TRAPPC12: variants seen among roughly 807,000 people sequenced by gnomAD.
TRAPPC12 encodes the protein TPR repeat protein 15.
In TRAPPC12, 61 loss-of-function variants were observed where a neutral mutation model predicts 69.2. That is an observed-to-expected ratio of 0.88 (90% CI 0.72 to 1.09). The LOEUF is 1.09. TRAPPC12 is among the 50% of genes least tolerant of loss of function. The pLI, the probability that TRAPPC12 is intolerant of heterozygous loss-of-function variation, is 0.00. For synonymous variants in TRAPPC12, 469 were observed against 438.9 expected (o/e 1.07, Z -0.86); for missense variants, 1,101 against 1,016.4 (o/e 1.08, Z -1.13).
intron 6 of TRAPPC12, among the ~76,000 whole-genome samples, chr2:3,454,021 A>G (rs1037890189): frequency 1.3e-5 from 2 of 152,180 alleles, no homozygotes; most frequent in African/African-American, 4.8e-5. Context: ...CACCCTACAA[A>G]TAAAACAATA....
intron 1 of TRAPPC12, among the ~76,000 whole-genome samples, chr2:3,385,814 A>AG (rs1312277717): frequency 5.9e-5 from 9 of 152,206 alleles, no homozygotes; most frequent in Non-Finnish European, 1.0e-4. Context: ...GAGACTTCAG[A>AG]GGGGGCACTG....
intron 6 of TRAPPC12, among the ~76,000 whole-genome samples, chr2:3,447,776 C>A (rs973556279): frequency 6.6e-6 from 1 of 152,196 alleles, no homozygotes; most frequent in Non-Finnish European, 1.5e-5. Flanking sequence ...CTTGGTGTGG[C>A]CTTTGATCCC....
chr2:3,421,538 A>G (rs899562212), intron 3 of TRAPPC12, among the ~76,000 whole-genome samples: 7 of 152,262 alleles, frequency 4.6e-5, no homozygotes, highest in Non-Finnish European at 8.8e-5. Flanking sequence ...TAATCTTGCT[A>G]AAAAGGAAAC....
At chr2:3,450,507 G>A (rs922524959) in intron 6 of TRAPPC12, among the ~76,000 whole-genome samples, 14 of 152,130 alleles carry the variant, frequency 9.2e-5, no homozygotes, top group East Asian at 1.9e-4. Flanking sequence ...TGTCCGCTTC[G>A]GCCTTCTTTG....
intron 2 of TRAPPC12, among the ~76,000 whole-genome samples, chr2:3,394,419 G>C (rs779648728): frequency 6.6e-6 from 1 of 152,076 alleles, no homozygotes; most frequent in South Asian, 2.1e-4. Context: ...TCAGGAGATC[G>C]AGACCACCCT....
Position 3,388,492 on chromosome 2 carries a change from G to T in TRAPPC12, c.869G>T (p.Ser290Ile), listed in dbSNP as rs888937835. The change falls in exon 2 of 12, where the codon AGT becomes ATT. Residue 290 changes from serine (S) to isoleucine (I), a missense_variant. Transcript: ENST00000324266. ...CACATCCAGGCAGTGTTTGCAGGGA[G>T]TGACGACCCCTTTGCCACCGCCCTG... ...FAHIQAVFAG[S>I]DDPFATALSM... 4 of 1,612,666 alleles carry T rather than the reference G, an allele frequency of 2.5e-6. No individual in the cohort carries two copies. The highest frequency in any genetic ancestry group is 3.3e-5 in the Admixed American group (2 of 59,988).
chr2:3,479,321 C>G lies in TRAPPC12; in HGVS notation c.2068C>G (p.His690Asp). The change falls in exon 12 of 12, where the codon CAC becomes GAC. Residue 690 changes from histidine to aspartate, a missense_variant. Transcript: ENST00000324266. The stretch of plus-strand genomic sequence containing the variant: ...CCAGCAGGACCCCAGGCACTACCTG[C>G]ACGAGAGCGTGCTCTTCAACCTGAC... ...MVQQDPRHYLHESVLFNLTTM... is the reference protein window; with the variant it reads ...MVQQDPRHYLDESVLFNLTTM... The G allele has an allele frequency of 6.2e-7, 1 of 1,614,216 alleles. No homozygotes were observed.
At chr2:3,453,347 A>G (rs909557968) in intron 6 of TRAPPC12, among the ~76,000 whole-genome samples, 4 of 152,206 alleles carry the variant, frequency 2.6e-5, no homozygotes, top group African/African-American at 7.2e-5. Context: ...CTCCCAGGGA[A>G]TGTGCAGGAA....
intron 1 of TRAPPC12, among the ~76,000 whole-genome samples, chr2:3,386,503 T>A (rs1660499661): frequency 6.6e-6 from 1 of 152,200 alleles, no homozygotes; most frequent in Non-Finnish European, 1.5e-5. Context: ...AGCAGCTGTC[T>A]CGAGGGGTGT....
chr2:3,466,249 T>C (rs1277837608), intron 9 of TRAPPC12: 1 of 470,962 alleles, frequency 2.1e-6, no homozygotes, highest in African/African-American at 2.0e-5. Flanking sequence ...ATCCCACCCT[T>C]GCAGGCGGAG....
intron 1 of TRAPPC12, among the ~76,000 whole-genome samples, chr2:3,381,266 C>G (rs1455564719): frequency 6.6e-6 from 1 of 152,148 alleles, no homozygotes; most frequent in African/African-American, 2.4e-5. Flanking sequence ...ACTACACACC[C>G]TCGTGCCCTT....
intron 5 of TRAPPC12, among the ~76,000 whole-genome samples, chr2:3,433,797 T>C (rs1403350940): frequency 1.3e-5 from 2 of 152,244 alleles, no homozygotes; most frequent in Non-Finnish European, 2.9e-5. Context: ...ACCTAGATTT[T>C]GGCAGGTCAC....
At chr2:3,459,314 G>C (rs184296016) in intron 7 of TRAPPC12, among the ~76,000 whole-genome samples, 1 of 152,248 alleles carries the variant, frequency 6.6e-6, no homozygotes, top group African/African-American at 2.4e-5. Flanking sequence ...CGCAAGGAGC[G>C]CTGGACAAGG....
chr2:3,389,868 G>A (rs142789628), intron 2 of TRAPPC12: 88 of 457,468 alleles, frequency 1.9e-4, no homozygotes, highest in African/African-American at 1.7e-3. Flanking sequence ...AAGTCAGGTG[G>A]TGTCTCTCCC....
intron 3 of TRAPPC12, among the ~76,000 whole-genome samples, chr2:3,415,915 A>G (rs943523603): frequency 1.3e-5 from 2 of 149,722 alleles, no homozygotes; most frequent in Non-Finnish European, 3.0e-5. Flanking sequence ...GCGGGGTTTC[A>G]CCGTGTTAGC....
At chr2:3,415,432 G>A (rs1445433119) in intron 3 of TRAPPC12, among the ~76,000 whole-genome samples, 2 of 140,854 alleles carry the variant, frequency 1.4e-5, no homozygotes, top group Non-Finnish European at 3.0e-5. Context: ...TTGAGACAGA[G>A]TTTGGCTCTG....
intron 2 of TRAPPC12, among the ~76,000 whole-genome samples, chr2:3,394,938 A>G (rs1661037860): frequency 6.6e-6 from 1 of 152,220 alleles, no homozygotes. Context: ...ACACACACTC[A>G]CACTCTATCC....
intron 5 of TRAPPC12, among the ~76,000 whole-genome samples, chr2:3,443,036 A>G (rs1375373136): frequency 6.6e-6 from 1 of 152,248 alleles, no homozygotes; most frequent in African/African-American, 2.4e-5. Flanking sequence ...ATCCTATTAG[A>G]AGAGAACACA....
At chr2:3,467,122 G>T (rs1280790049) in intron 9 of TRAPPC12, among the ~76,000 whole-genome samples, 1 of 152,218 alleles carries the variant, frequency 6.6e-6, no homozygotes, top group Non-Finnish European at 1.5e-5. Context: ...AGTCTCAGGA[G>T]GGAGGCTCAG....
Sources: allele counts gnomAD v4.1 joint callset (sites outside exome capture counted in the v4.1 genomes callset), GRCh38; gene constraint gnomAD v4.1.1; transcripts MANE v1.5; gene names NCBI Gene and HGNC (gene_info 2026-07-23, HGNC 2026-07-21).